RFFL: variants seen among roughly 807,000 people sequenced by gnomAD.
The protein encoded by RFFL is ring finger and FYVE like domain containing E3 ubiquitin protein ligase, also known as E3 ubiquitin-protein ligase rififylin.
Under a neutral mutation model 40.4 loss-of-function variants are expected in RFFL, and 16 were observed. The observed-to-expected ratio is 0.40, with a 90% confidence interval of 0.27 to 0.60. The LOEUF is 0.60. Among genes scored for constraint, RFFL ranks in the 20% least tolerant of loss-of-function variants. The probability of loss-of-function intolerance (pLI) is 0.47; values close to 1 mark genes in which losing one functional copy is unlikely to be tolerated. For synonymous variants in RFFL, 154 were observed against 167.9 expected (o/e 0.92, Z 0.64); for missense variants, 367 against 451.7 (o/e 0.81, Z 1.70).
chr17:35,080,303 A>G (rs2091397651), intron 1 of RFFL, among the ~76,000 whole-genome samples: 1 of 152,234 alleles, frequency 6.6e-6, no homozygotes, highest in Non-Finnish European at 1.5e-5. Context: ...TTGATAGAGG[A>G]TGAAGCTTGG....
At chr17:35,030,205 C>T (rs1244086493) in intron 1 of RFFL, among the ~76,000 whole-genome samples, 7 of 146,484 alleles carry the variant, frequency 4.8e-5, no homozygotes, top group Non-Finnish European at 9.0e-5. Flanking sequence ...GGGTATATAC[C>T]CAGTAATGGG....
intron 1 of RFFL, among the ~76,000 whole-genome samples, chr17:35,078,733 A>T (rs1286332327): frequency 6.6e-6 from 1 of 152,196 alleles, no homozygotes; most frequent in African/African-American, 2.4e-5. Context: ...TTATCCCAAC[A>T]CTTTGGGAGG....
chr17:35,077,191 A>G (rs1259243064), intron 1 of RFFL, among the ~76,000 whole-genome samples: 1 of 151,836 alleles, frequency 6.6e-6, no homozygotes, highest in Non-Finnish European at 1.5e-5. Flanking sequence ...CTAGGAAACC[A>G]CCAAGTCATG....
intron 1 of RFFL, among the ~76,000 whole-genome samples, chr17:35,054,444 C>G (rs1317958124): frequency 6.6e-6 from 1 of 152,204 alleles, no homozygotes; most frequent in Non-Finnish European, 1.5e-5. Flanking sequence ...AGGCACATCT[C>G]ATACATGTGC....
intron 3 of RFFL, among the ~76,000 whole-genome samples, chr17:35,020,455 G>A (rs1312864988): frequency 6.7e-6 from 1 of 150,290 alleles, no homozygotes; most frequent in Non-Finnish European, 1.5e-5. Context: ...TAGGATGCAT[G>A]CTCCTTATGA....
rs1597808539 is a variant in RFFL, at chr17:35,009,683, A to C, written c.*2285T>G. On this transcript the variant is annotated 3_prime_UTR_variant, in exon 7 of 7. Transcript: ENST00000394597. ...AGATTTAAAGGCAAAATGAGTAAAC[A>C]ACCTCAGTTTTAATTCTTACTGAGG... is the stretch of plus-strand genomic sequence containing the variant. 1 of 152,300 alleles carries C rather than the reference A, an allele frequency of 6.6e-6. No individual in the cohort carries two copies. Among genetic ancestry groups the C allele is most frequent in the East Asian group, 1.9e-4 (1 of 5,176 alleles). The allele number at this position is 152,300 out of a possible 1,614,324, so 9.4% of individuals were successfully genotyped here. A position where few individuals can be genotyped will look rare whatever the true frequency, so the allele number is the denominator to read the frequency against.
At chr17:35,012,176 AAG>A (rs760035721) in intron 6 of RFFL, 27 bp from the exon 7 acceptor site, 5 of 1,607,264 alleles carry the variant, frequency 3.1e-6, no homozygotes, top group Non-Finnish European at 2.6e-6. Context: ...GGCAGAAAAA[AAG>A]GGGCAGAGGA....
intron 1 of RFFL, chr17:35,077,095 T>C (rs1199073541): frequency 6.6e-6 from 1 of 152,532 alleles, no homozygotes; most frequent in Non-Finnish European, 1.4e-5. Flanking sequence ...ATATATTAAA[T>C]ATATATAAAT....
chr17:35,061,295 A>C (rs761800964), intron 1 of RFFL, among the ~76,000 whole-genome samples: 5 of 152,204 alleles, frequency 3.3e-5, no homozygotes, highest in Non-Finnish European at 7.4e-5. Flanking sequence ...AAGGGTCTGA[A>C]CTAGGAGTTA....
At chr17:35,037,167 C>A (rs1175177357) in intron 1 of RFFL, among the ~76,000 whole-genome samples, 1 of 152,158 alleles carries the variant, frequency 6.6e-6, no homozygotes, top group African/African-American at 2.4e-5. Context: ...TGCCCCCAAA[C>A]CTTAAAGAAA....
chr17:35,034,885 A>G (rs1008845361), intron 1 of RFFL, among the ~76,000 whole-genome samples: 2 of 152,134 alleles, frequency 1.3e-5, no homozygotes, highest in Admixed American at 6.6e-5. Context: ...ACCAAAAGTG[A>G]TTTCGACTAG....
rs562219254 is a variant in RFFL at position 35,009,208 on chromosome 17, A to G, written c.*2760T>C. The G allele has an allele frequency of 1.3e-5, 2 of 152,804 alleles. No individual in the cohort carries two copies. The highest frequency in any genetic ancestry group is 4.8e-5 in the African/African-American group (2 of 41,598). The allele number at this position is 152,804 out of a possible 1,614,324, so 9.5% of individuals were successfully genotyped here. A position where few individuals can be genotyped will look rare whatever the true frequency, so the allele number is the denominator to read the frequency against. ...TTGCTTTAACCTCCAAGTAAGTCTG[A>G]GAAAATCTTAATAAAAGCCACTTGA... is the stretch of plus-strand genomic sequence containing the variant. On this transcript the variant is annotated 3_prime_UTR_variant, in exon 7 of 7. Coordinates refer to ENST00000394597, the MANE Select transcript of RFFL (RefSeq NM_001017368.2).
chr17:35,083,498 G>A (rs532258600), intron 1 of RFFL, among the ~76,000 whole-genome samples: 1 of 152,176 alleles, frequency 6.6e-6, no homozygotes, highest in Admixed American at 6.5e-5. Context: ...AAAGAAAAGC[G>A]GGTCAGGCAC....
At chr17:35,021,999 T>G (rs1157817355) in intron 2 of RFFL, among the ~76,000 whole-genome samples, 4 of 152,266 alleles carry the variant, frequency 2.6e-5, no homozygotes, top group Non-Finnish European at 4.4e-5. Flanking sequence ...TGTATATCCA[T>G]GTACAGGACA....
At chr17:35,026,948 C>A (rs2091045327) in intron 1 of RFFL, among the ~76,000 whole-genome samples, 1 of 152,174 alleles carries the variant, frequency 6.6e-6, no homozygotes, top group Non-Finnish European at 1.5e-5. Flanking sequence ...GTGATCGGCC[C>A]ACTTCGGCCT....
intron 1 of RFFL, among the ~76,000 whole-genome samples, chr17:35,028,137 C>A (rs566549359): frequency 2.0e-5 from 3 of 151,854 alleles, no homozygotes; most frequent in Non-Finnish European, 4.4e-5. Flanking sequence ...GAGTTCAAGA[C>A]CAGTCTGGCC....
intron 1 of RFFL, among the ~76,000 whole-genome samples, chr17:35,037,079 A>T (rs2091128214): frequency 6.6e-6 from 1 of 152,256 alleles, no homozygotes; most frequent in South Asian, 2.1e-4. Flanking sequence ...ATAGACAGCT[A>T]CATCTTGGAA....
chr17:35,030,649 G>T (rs1348681517), intron 1 of RFFL, among the ~76,000 whole-genome samples: 1 of 151,438 alleles, frequency 6.6e-6, no homozygotes, highest in African/African-American at 2.4e-5. Context: ...TGCCCAGGCT[G>T]GTCTCAAACT....
intron 1 of RFFL, among the ~76,000 whole-genome samples, chr17:35,044,398 T>G (rs531858341): frequency 1.3e-5 from 2 of 152,160 alleles, no homozygotes; most frequent in South Asian, 4.1e-4. Context: ...TAATAAGTGT[T>G]GTCAGCCAGG....
Sources: allele counts gnomAD v4.1 joint callset (sites outside exome capture counted in the v4.1 genomes callset), GRCh38; gene constraint gnomAD v4.1.1; transcripts MANE v1.5; gene names NCBI Gene and HGNC (gene_info 2026-07-23, HGNC 2026-07-21).